Variants in CACNA1E observed in about 807,000 individuals in gnomAD.
CACNA1E encodes voltage-dependent R-type calcium channel subunit alpha-1E.
Under a neutral mutation model 259.2 loss-of-function variants are expected in CACNA1E, and 40 were observed. The observed-to-expected ratio is 0.15, with a 90% CI of 0.12 to 0.20. The LOEUF (loss-of-function observed/expected upper bound fraction) is 0.20. Ranked by LOEUF, CACNA1E falls within the 10% of genes least tolerant of loss-of-function variation. The pLI, the probability that CACNA1E is intolerant of heterozygous loss-of-function variation, is 1.00. For missense variants in CACNA1E, 1,874 were observed against 3,040.1 expected, an observed-to-expected ratio of 0.62 and a Z score of 9.02; for synonymous variants, 1,104 against 1,138.5, an observed-to-expected ratio of 0.97 and a Z score of 0.61.
intron 1 of CACNA1E, among the ~76,000 whole-genome samples, chr1:181,404,173 T>G (rs76032235): frequency 2.6e-5 from 4 of 152,332 alleles, no homozygotes; most frequent in Admixed American, 2.6e-4. Context: ...TCCCCCAAAC[T>G]GTACGGACGG....
chr1:181,644,484 G>T (rs1658082395), intron 6 of CACNA1E, among the ~76,000 whole-genome samples: 1 of 152,150 alleles, frequency 6.6e-6, no homozygotes, highest in South Asian at 2.1e-4. Flanking sequence ...GGGGTATGCT[G>T]TACATTGTAT....
At chr1:181,749,173 T>G (rs1657368556) in intron 25 of CACNA1E, among the ~76,000 whole-genome samples, 1 of 152,048 alleles carries the variant, frequency 6.6e-6, no homozygotes, top group Non-Finnish European at 1.5e-5. Context: ...GGAACATAGG[T>G]TTGCCATACG....
intron 2 of CACNA1E, among the ~76,000 whole-genome samples, chr1:181,426,672 A>T (rs1264620066): frequency 6.5e-5 from 4 of 61,886 alleles, no homozygotes; most frequent in African/African-American, 2.2e-4. Flanking sequence ...CCCCTTTACA[A>T]TTCAACCCCT....
intron 1 of CACNA1E, among the ~76,000 whole-genome samples, chr1:181,397,731 C>T (rs910590917): frequency 6.6e-6 from 1 of 152,228 alleles, no homozygotes; most frequent in Non-Finnish European, 1.5e-5. Flanking sequence ...GTCCCTCCCC[C>T]TCATCCCGTC....
At chr1:181,411,118 G>A (rs1657809239) in intron 1 of CACNA1E, among the ~76,000 whole-genome samples, 1 of 152,220 alleles carries the variant, frequency 6.6e-6, no homozygotes, top group Admixed American at 6.5e-5. Context: ...TTGGGCTCCT[G>A]GCTAGGAGGG....
At chr1:181,418,640 G>C (rs758673492) in intron 2 of CACNA1E, among the ~76,000 whole-genome samples, 1 of 152,040 alleles carries the variant, frequency 6.6e-6, no homozygotes, top group Non-Finnish European at 1.5e-5. Flanking sequence ...CTCCAAACCT[G>C]CTTCTCTTGT....
intron 3 of CACNA1E, among the ~76,000 whole-genome samples, chr1:181,553,752 G>A (rs1235617246): frequency 6.6e-6 from 1 of 152,168 alleles, no homozygotes; most frequent in Non-Finnish European, 1.5e-5. Context: ...TGCATCTATT[G>A]AGATAATCAT....
rs1661206230 is a variant in CACNA1E at position 181,790,497 on chromosome 1, T to G, written c.5839T>G (p.Phe1947Val). 6.2e-7 allele frequency: 1 copy of G among 1,613,740 alleles called. No individual in the cohort carries two copies. The highest frequency in any genetic ancestry group is 1.7e-5 in the Admixed American group (1 of 60,020). Residue 1947 changes from phenylalanine to valine, a missense_variant, in exon 44 of 48, where the codon TTC becomes GTC. Phe to Val is a conservative substitution (Grantham distance 50). Around this residue, in one of 14 missense-constraint regions of CACNA1E, gnomAD observed 542 missense variants for 587.2 expected, o/e 0.92. Coordinates refer to ENST00000367573, the MANE Select transcript of CACNA1E (RefSeq NM_001205293.3). ...GAGTCCACTCTCTCCCCAGGATATA[T>G]TCCAGTTGGCTTGTATGGACCCCGC... is the stretch of plus-strand genomic sequence containing the variant. ...SMSPLSPQDIFQLACMDPADD... is the reference protein window; with the variant it reads ...SMSPLSPQDIVQLACMDPADD...
intron 1 of CACNA1E, among the ~76,000 whole-genome samples, chr1:181,384,087 TG>T (rs1655660988): frequency 6.6e-6 from 1 of 152,172 alleles, no homozygotes; most frequent in Non-Finnish European, 1.5e-5. Context: ...CTGCCCTACG[TG>T]GGTATGGCTG....
Position 181,743,393 on chromosome 1 carries a change from G to A in CACNA1E, c.3719+4140G>A, listed in dbSNP as rs148067953. ...AGTTTCCACACACCCTGTTGCCATCGCTGCTGCTTCCCAGACTCCTGCATG... is the reference window on the plus strand; with the variant it reads ...AGTTTCCACACACCCTGTTGCCATCACTGCTGCTTCCCAGACTCCTGCATG... On this transcript the variant is annotated intron_variant, in intron 25 of 47. Transcript: ENST00000367573. Among the ~76,000 whole-genome samples the A allele has an allele frequency of 5.7e-3, 864 of 152,292 alleles. 1 individual carries two copies. The highest frequency in any genetic ancestry group is 0.01 in the Middle Eastern group (3 of 294).
intron 3 of CACNA1E, among the ~76,000 whole-genome samples, chr1:181,537,969 C>A (rs893432622): frequency 6.6e-6 from 1 of 152,174 alleles, no homozygotes; most frequent in African/African-American, 2.4e-5. Context: ...AAAAATGGCA[C>A]TAATAAATAT....
At chr1:181,331,969 G>T (rs1651305687) in intron 1 of CACNA1E, among the ~76,000 whole-genome samples, 1 of 152,042 alleles carries the variant, frequency 6.6e-6, no homozygotes. Context: ...TACCATAAAT[G>T]CCCATCAATT....
At chr1:181,710,581 A>G (rs1407295520) in intron 7 of CACNA1E, among the ~76,000 whole-genome samples, 4 of 152,082 alleles carry the variant, frequency 2.6e-5, no homozygotes, top group African/African-American at 7.2e-5. Context: ...CACTATTGTT[A>G]TCAAAAGGAG....
chr1:181,680,884 G>A (rs1310772790), intron 7 of CACNA1E, among the ~76,000 whole-genome samples: 2 of 152,200 alleles, frequency 1.3e-5, no homozygotes, highest in East Asian at 1.9e-4. Flanking sequence ...GTTGCCATAG[G>A]TGCTAGGTCA....
chr1:181,660,646 C>T (rs183280649), intron 7 of CACNA1E, among the ~76,000 whole-genome samples: 1 of 152,272 alleles, frequency 6.6e-6, no homozygotes, highest in East Asian at 1.9e-4. Context: ...CTGAGTGTTT[C>T]CCATGCCTGA....
intron 3 of CACNA1E, among the ~76,000 whole-genome samples, chr1:181,561,045 A>G (rs1374826521): frequency 3.9e-5 from 6 of 152,200 alleles, no homozygotes; most frequent in Non-Finnish European, 5.9e-5. Flanking sequence ...GGTCAGATTC[A>G]CAGGCAGAAA....
chr1:181,346,745 G>T (rs767103877), intron 1 of CACNA1E, among the ~76,000 whole-genome samples: 1 of 152,158 alleles, frequency 6.6e-6, no homozygotes, highest in Non-Finnish European at 1.5e-5. Context: ...GATCTTTAAT[G>T]ACGGGAATTG....
In CACNA1E at chr1:181,370,675, C is replaced by T. The variant is rs556253428; in HGVS notation, c.-14-42458C>T. Among the ~76,000 whole-genome samples the T allele has an allele frequency of 9.5e-4, 144 of 152,028 alleles. 1 individual carries two copies. Among genetic ancestry groups the T allele is most frequent in the Non-Finnish European group, 1.8e-3 (125 of 67,974 alleles). ...CATACCATATTTTCTTTATCTAGTC[C>T]GTCATTGGTGGGCATCCAGGTTGAT... On this transcript the variant is annotated intron_variant, in intron 1 of 11. Coordinates refer to the CACNA1E transcript ENST00000524607.
chr1:181,532,722 G>C (rs1186801731), intron 3 of CACNA1E, among the ~76,000 whole-genome samples: 1 of 152,208 alleles, frequency 6.6e-6, no homozygotes, highest in Non-Finnish European at 1.5e-5. Context: ...AAGCATTTGA[G>C]GAAAGGAGAT....
Sources: gnomAD v4.1 joint callset for allele counts (sites outside exome capture counted in the v4.1 genomes callset) on GRCh38, gnomAD v4.1.1 for gene constraint, gnomAD v4.1.1 regional missense constraint, MANE v1.5 for transcripts, NCBI Gene and HGNC (gene_info 2026-07-23, HGNC 2026-07-21) for gene names.